Variants in CNDP1 observed in about 807,000 individuals in gnomAD.
CNDP1 encodes the protein carnosine dipeptidase 1, also known as beta-Ala-His dipeptidase.
In CNDP1, 44 loss-of-function variants were observed where a neutral mutation model predicts 58.1. The observed-to-expected ratio is 0.76, with a 90% CI of 0.60 to 0.97. CNDP1 has a LOEUF of 0.97. Among genes scored for constraint, CNDP1 ranks in the 50% least tolerant of loss-of-function variants. The pLI, the probability that CNDP1 is intolerant of heterozygous loss-of-function variation, is 0.00. For missense variants in CNDP1, 616 were observed against 655.1 expected (o/e 0.94, Z 0.65); for synonymous variants, 254 against 252.6 (o/e 1.01, Z -0.05).
intron 1 of CNDP1, among the ~76,000 whole-genome samples, chr18:74,552,503 G>T (rs924857571): frequency 1.3e-5 from 2 of 152,174 alleles, no homozygotes; most frequent in Non-Finnish European, 2.9e-5. Context: ...TACGTAAATG[G>T]AATCACAATA....
chr18:74,572,246 G>A (rs1981496989), intron 7 of CNDP1, among the ~76,000 whole-genome samples: 1 of 152,054 alleles, frequency 6.6e-6, no homozygotes, highest in African/African-American at 2.4e-5. Context: ...TGTTTGCTCA[G>A]GCTCAATTCA....
intron 1 of CNDP1, among the ~76,000 whole-genome samples, chr18:74,554,366 C>A (rs184075854): frequency 3.9e-5 from 6 of 152,242 alleles, no homozygotes; most frequent in Non-Finnish European, 2.9e-5. Context: ...ATGGATTGAC[C>A]CCAGGTGCTG....
chr18:74,564,073 T>G (rs900439157), intron 5 of CNDP1, among the ~76,000 whole-genome samples: 2 of 152,256 alleles, frequency 1.3e-5, no homozygotes, highest in Admixed American at 6.5e-5. Context: ...ACTGAATGAC[T>G]GATTTTCTAA....
chr18:74,541,960 A>G (rs547007985), intron 1 of CNDP1, among the ~76,000 whole-genome samples: 1 of 152,222 alleles, frequency 6.6e-6, no homozygotes, highest in Non-Finnish European at 1.5e-5. Context: ...GGAGAGAAAC[A>G]GTGCTAAGAC....
At position 74,576,933 on chromosome 18, in the gene CNDP1, TA is replaced by T; in HGVS notation, c.907del (p.Thr303GlnfsTer5). 6.2e-7 allele frequency: 1 copy of T among 1,613,722 alleles called. No homozygotes were observed. The highest frequency in any genetic ancestry group is 1.1e-5 in the South Asian group (1 of 90,886). On this transcript the variant is annotated frameshift_variant, in exon 8 of 12. Transcript: ENST00000358821. LOFTEE classifies it high-confidence loss of function. ...PGIYDEVVPL[T>X]EEEINTYKAI... Reference sequence around the variant, plus strand: ...GAATCTATGATGAAGTGGTTCCTCTTACAGAAGAGGAAATAAATACATACAA... The same window carrying T: ...GAATCTATGATGAAGTGGTTCCTCTTCAGAAGAGGAAATAAATACATACAA...
intron 6 of CNDP1, among the ~76,000 whole-genome samples, chr18:74,568,990 C>T (rs1981400497): frequency 6.6e-6 from 1 of 151,964 alleles, no homozygotes; most frequent in Non-Finnish European, 1.5e-5. Flanking sequence ...CGGTGGTATT[C>T]AGGTTGAACA....
At chr18:74,561,972 G>T in intron 4 of CNDP1, 75 bp from the exon 5 acceptor site, 4 of 1,254,108 alleles carry the variant, frequency 3.2e-6, no homozygotes, top group Non-Finnish European at 4.7e-6. Context: ...CAGTACCCAT[G>T]AAACGACATT....
intron 1 of CNDP1, among the ~76,000 whole-genome samples, chr18:74,535,594 T>TTTTTTTTTTTAA (rs1568288879): frequency 6.6e-6 from 1 of 151,140 alleles, no homozygotes; most frequent in African/African-American, 2.4e-5. Flanking sequence ...TTTTTTTTTT[T>TTTTTTTTTTTAA]AAAGAACCCA....
intron 1 of CNDP1, among the ~76,000 whole-genome samples, chr18:74,546,045 C>T (rs940732056): frequency 7.9e-5 from 12 of 152,192 alleles, no homozygotes; most frequent in African/African-American, 2.7e-4. Context: ...TTCAATGTAT[C>T]GATTTAACTG....
rs1431768757 is a variant in CNDP1, at chr18:74,545,061, TC to T, written c.24+10374del. ...GAAGCTGGAGGGGCAGGAAGGACCC[TC>T]CCCTAGAGCCTGCAGACGGAGCCCA... is the stretch of plus-strand genomic sequence containing the variant. On this transcript the variant is annotated intron_variant, in intron 1 of 11. Transcript: ENST00000358821. This position sits in a 1 kb window ranked among gnomAD's most constrained non-coding sequence, Gnocchi z 4.1. 2.0e-5 allele frequency among the ~76,000 whole-genome samples: 3 copies of T among 152,062 alleles called. No homozygotes were observed. Among genetic ancestry groups the T allele is most frequent in the Non-Finnish European group, 4.4e-5 (3 of 68,010 alleles).
chr18:74,572,680 T>C (rs1050978234), intron 7 of CNDP1, among the ~76,000 whole-genome samples: 1 of 150,770 alleles, frequency 6.6e-6, no homozygotes, highest in Non-Finnish European at 1.5e-5. Flanking sequence ...CCCAGCTATT[T>C]AAGGGGCTGA....
rs1416226992 is a variant in CNDP1, at chr18:74,586,033, G to A, written c.*1471G>A. ...AAAAAAAAAAAAGCAGAACACATTTGCGTTCAACTTTTTTCCATCACTCTG... is the reference window on the plus strand; with the variant it reads ...AAAAAAAAAAAAGCAGAACACATTTACGTTCAACTTTTTTCCATCACTCTG... On this transcript the variant is annotated 3_prime_UTR_variant, in exon 12 of 12. Transcript: ENST00000358821. 1 of 146,400 alleles carries A rather than the reference G, an allele frequency of 6.8e-6. No individual in the cohort carries two copies. The highest frequency in any genetic ancestry group is 6.9e-5 in the Admixed American group (1 of 14,576). 9.1% of individuals were successfully genotyped at this position (146,400 alleles called of 1,614,324 possible).
intron 1 of CNDP1, among the ~76,000 whole-genome samples, chr18:74,548,132 C>T (rs1041030918): frequency 1.3e-5 from 2 of 152,132 alleles, no homozygotes; most frequent in Non-Finnish European, 2.9e-5. Context: ...TTTGCAAGGT[C>T]AAAAGCCAGG....
At chr18:74,567,161 T>C in intron 5 of CNDP1, 72 bp from the exon 6 acceptor site, 1 of 1,214,664 alleles carries the variant, frequency 8.2e-7, no homozygotes, top group Non-Finnish European at 1.2e-6. Flanking sequence ...CAATTCAAGT[T>C]GAGATTTGGT....
At chr18:74,561,505 A>C (rs903806489) in intron 4 of CNDP1, 1 of 156,006 alleles carries the variant, frequency 6.4e-6, no homozygotes, top group Non-Finnish European at 1.4e-5. Context: ...TTGTGAAAAA[A>C]ACGGTAAACT....
intron 7 of CNDP1, 57 bp downstream of exon 7, chr18:74,571,327 C>A (rs1268597396): frequency 6.3e-5 from 77 of 1,219,508 alleles, no homozygotes; most frequent in Non-Finnish European, 9.1e-5. Context: ...AAAGACAGCT[C>A]TACTTGATTT....
chr18:74,580,377 C>A, intron 10 of CNDP1, 106 bp downstream of exon 10: 2 of 1,150,370 alleles, frequency 1.7e-6, no homozygotes, highest in East Asian at 2.4e-5. Context: ...GAAATCAACT[C>A]TCCTTTTAAT....
chr18:74,579,855 G>A (rs368924548), intron 9 of CNDP1, among the ~76,000 whole-genome samples: 48 of 152,182 alleles, frequency 3.2e-4, no homozygotes, highest in Non-Finnish European at 4.6e-4. Flanking sequence ...GGGGTGGGCC[G>A]GGGCCAGGAA....
rs1980739764 is a variant in CNDP1 at position 74,545,638 on chromosome 18, C to G, written c.25-10700C>G. 6.6e-6 allele frequency among the ~76,000 whole-genome samples: 1 copy of G among 152,114 alleles called. No individual in the cohort carries two copies. The highest frequency in any genetic ancestry group is 6.5e-5 in the Admixed American group (1 of 15,278). ...TCCCCAGTCCACGTCTCTCTCAACT[C>G]CCCACTCCCTCCGACCCTCCTCCTC... On this transcript the variant is annotated intron_variant, in intron 1 of 11. Transcript: ENST00000358821. This position sits in a 1 kb window ranked among gnomAD's most constrained non-coding sequence, Gnocchi z 4.1.
Sources: gnomAD v4.1 joint callset for allele counts (sites outside exome capture counted in the v4.1 genomes callset) on GRCh38, gnomAD v4.1.1 for gene constraint, Gnocchi (gnomAD v3.1) non-coding constraint, MANE v1.5 for transcripts, NCBI Gene and HGNC (gene_info 2026-07-23, HGNC 2026-07-21) for gene names.